SPATA13: variants seen among roughly 807,000 people sequenced by gnomAD.
SPATA13 encodes the protein spermatogenesis associated 13, also known as spermatogenesis-associated protein 13.
SPATA13 carries 50 observed loss-of-function variants against 104.0 expected under a neutral mutation model. The observed-to-expected ratio is 0.48, with a 90% CI of 0.38 to 0.61. The LOEUF (loss-of-function observed/expected upper bound fraction) is 0.61, where lower values mean the gene tolerates loss of function less well. Among genes scored for constraint, SPATA13 ranks in the 20% least tolerant of loss-of-function variants. SPATA13 has a pLI of 0.00. For missense variants in SPATA13, 1,524 were observed against 1,690.6 expected, an observed-to-expected ratio of 0.90 and a Z score of 1.73; for synonymous variants, 606 against 667.5, an observed-to-expected ratio of 0.91 and a Z score of 1.42.
chr13:24,005,260 A>G (rs2137678576), intron 2 of SPATA13, among the ~76,000 whole-genome samples: 1 of 152,250 alleles, frequency 6.6e-6, no homozygotes, highest in East Asian at 1.9e-4. Flanking sequence ...TTGATTCTTA[A>G]ATTTTTACCG....
At chr13:24,013,253 G>A (rs1045276594) in intron 2 of SPATA13, among the ~76,000 whole-genome samples, 11 of 152,082 alleles carry the variant, frequency 7.2e-5, no homozygotes, top group African/African-American at 2.2e-4. Context: ...CTCAGCTCCC[G>A]CTCTGTAAGT....
chr13:24,070,269 T>A (rs1425821037), intron 3 of SPATA13, among the ~76,000 whole-genome samples: 1 of 152,158 alleles, frequency 6.6e-6, no homozygotes, highest in Admixed American at 6.5e-5. Flanking sequence ...GCAACAGAAA[T>A]GTCCGAGGAA....
intron 4 of SPATA13, among the ~76,000 whole-genome samples, chr13:24,254,907 A>G (rs1247861381): frequency 6.6e-6 from 1 of 152,046 alleles, no homozygotes; most frequent in African/African-American, 2.4e-5. Context: ...TTGGGACAGC[A>G]TGTCCACATG....
intron 2 of SPATA13, among the ~76,000 whole-genome samples, chr13:23,999,072 C>T (rs1875827196): frequency 6.6e-6 from 1 of 151,896 alleles, no homozygotes; most frequent in African/African-American, 2.4e-5. Context: ...ATTACAGGCA[C>T]ATGCCACCAT....
rs118077638 is a variant in SPATA13 at position 24,185,865 on chromosome 13, C to T, written c.-112+24933C>T. On this transcript the variant is annotated intron_variant, in intron 1 of 12. Transcript: ENST00000382108. ...GGAATTGGCTCATGTGATTGTGAAG[C>T]CTGGCAAGTTCAAAATAAGCAGGGT... 9.3e-3 allele frequency among the ~76,000 whole-genome samples: 1,416 copies of T among 151,900 alleles called. 14 individuals carry two copies. Among genetic ancestry groups the T allele is most frequent in the Non-Finnish European group, 0.013 (878 of 67,944 alleles).
At chr13:24,026,469 G>T (rs1877219974) in intron 3 of SPATA13, among the ~76,000 whole-genome samples, 1 of 152,126 alleles carries the variant, frequency 6.6e-6, no homozygotes, top group African/African-American at 2.4e-5. Context: ...AGTGTTCGTG[G>T]TTCAGTTTGG....
intron 1 of SPATA13, among the ~76,000 whole-genome samples, chr13:24,194,024 A>G (rs930296121): frequency 7.2e-5 from 11 of 152,214 alleles, no homozygotes; most frequent in African/African-American, 2.2e-4. Context: ...CAACCATTCA[A>G]GTTCATAGCC....
In SPATA13 at chr13:24,123,378, G is replaced by C. The variant is rs181828746; in HGVS notation, c.-111-99441G>C. 4.7e-6 allele frequency: 6 copies of C among 1,281,926 alleles called. No individual in the cohort carries two copies. In the African/African-American group the frequency reaches 8.7e-5, roughly 19 times the overall value. The allele number at this position is 1,281,926 out of a possible 1,614,324, so 79.4% of individuals were successfully genotyped here. ...ATAGTGAATTACCCAGCAAGCCCTT[G>C]CTCTCATGTAGCCTAGTTCACTGCT... On this transcript the variant is annotated intron_variant, in intron 3 of 14. Transcript: ENST00000424834.
chr13:24,062,296 C>G (rs1174646179), intron 3 of SPATA13, among the ~76,000 whole-genome samples: 3 of 152,214 alleles, frequency 2.0e-5, no homozygotes, highest in Admixed American at 2.0e-4. Flanking sequence ...AATGCAAAAT[C>G]CTGTGGATAT....
intron 2 of SPATA13, among the ~76,000 whole-genome samples, chr13:24,231,302 G>C (rs1872258923): frequency 6.6e-6 from 1 of 152,116 alleles, no homozygotes; most frequent in Admixed American, 6.5e-5. Context: ...GCTATTTTTT[G>C]TGTCTATTAT....
intron 3 of SPATA13, among the ~76,000 whole-genome samples, chr13:24,155,446 A>G (rs150104604): frequency 2.6e-5 from 4 of 152,178 alleles, no homozygotes; most frequent in African/African-American, 9.7e-5. Flanking sequence ...CTGCTTGTGA[A>G]GGATGGCTCT....
chr13:24,298,077 C>G (rs537057158), intron 11 of SPATA13, among the ~76,000 whole-genome samples: 2 of 152,340 alleles, frequency 1.3e-5, no homozygotes, highest in South Asian at 2.1e-4. Context: ...AACTGGCCCA[C>G]TCTTGCACTG....
chr13:24,087,421 C>T (rs1010051448), intron 3 of SPATA13, among the ~76,000 whole-genome samples: 6 of 152,156 alleles, frequency 3.9e-5, no homozygotes, highest in African/African-American at 7.2e-5. Context: ...TCCTTTTAGT[C>T]GAAGACACCG....
At chr13:24,016,076 A>G (rs1163043033) in intron 2 of SPATA13, among the ~76,000 whole-genome samples, 2 of 152,120 alleles carry the variant, frequency 1.3e-5, no homozygotes, top group African/African-American at 4.8e-5. Flanking sequence ...CTCCACAAGG[A>G]AAATGGCAGA....
chr13:24,110,372 C>G (rs1378612772), intron 3 of SPATA13, among the ~76,000 whole-genome samples: 1 of 152,030 alleles, frequency 6.6e-6, no homozygotes, highest in Non-Finnish European at 1.5e-5. Flanking sequence ...TGAGGACAAA[C>G]CTTGGGAGGG....
At chr13:24,162,361 C>T (rs1882537987) in intron 1 of SPATA13, 1 of 154,570 alleles carries the variant, frequency 6.5e-6, no homozygotes, top group Non-Finnish European at 1.5e-5. Context: ...GCACACCTTG[C>T]CTCAGTGCCT....
In SPATA13 at chr13:24,040,442, A is replaced by C. The variant is rs539729255; in HGVS notation, c.-112+22741A>C. Among the ~76,000 whole-genome samples, 7 of 152,144 alleles carry C rather than the reference A, an allele frequency of 4.6e-5. No homozygotes were observed. The East Asian group carries it at 9.7e-4, about 21-fold the overall frequency. On this transcript the variant is annotated intron_variant, in intron 3 of 14. Transcript: ENST00000424834. ...TAGTCATTAGAGTATGGAGTGTAGAAATTCACAGCACCGCCCTTGACAGGA... is the reference window on the plus strand; with the variant it reads ...TAGTCATTAGAGTATGGAGTGTAGACATTCACAGCACCGCCCTTGACAGGA...
At chr13:24,235,396 A>G (rs1460496139) in intron 2 of SPATA13, among the ~76,000 whole-genome samples, 1 of 152,232 alleles carries the variant, frequency 6.6e-6, no homozygotes, top group Admixed American at 6.5e-5. Flanking sequence ...GAGTGATTGA[A>G]GCCAGGGAGG....
chr13:24,080,427 A>G (rs1321219166), intron 3 of SPATA13, among the ~76,000 whole-genome samples: 1 of 152,228 alleles, frequency 6.6e-6, no homozygotes, highest in African/African-American at 2.4e-5. Context: ...CCTTGACACC[A>G]TCACATGCAT....
Sources: allele counts gnomAD v4.1 joint callset (sites outside exome capture counted in the v4.1 genomes callset), GRCh38; gene constraint gnomAD v4.1.1; transcripts MANE v1.5; gene names NCBI Gene and HGNC (gene_info 2026-07-23, HGNC 2026-07-21).